The following GPD2 variants were observed in gnomAD, a reference collection of about 807,000 sequenced individuals.
GPD2 encodes the protein glycerol-3-phosphate dehydrogenase 2.
In GPD2, 54 loss-of-function variants were observed where a neutral mutation model predicts 82.4. The observed-to-expected ratio is 0.66, with a 90% CI of 0.53 to 0.82. The LOEUF (loss-of-function observed/expected upper bound fraction) is 0.82, where lower values mean the gene tolerates loss of function less well. GPD2 is among the 40% of genes least tolerant of loss of function. The pLI is 0.00. For missense variants in GPD2, 748 were observed against 896.2 expected (o/e 0.83, Z 2.11); for synonymous variants, 288 against 306.1 (o/e 0.94, Z 0.62).
At chr2:156,574,247 C>T (rs78679811) in intron 13 of GPD2, among the ~76,000 whole-genome samples, 2,407 of 151,808 alleles carry the variant, frequency 0.016, 25 homozygotes, top group Non-Finnish European at 0.026. Context: ...TTGTGTTCTG[C>T]AGGGTACAAA....
At chr2:156,537,351 C>A (rs141501781) in intron 6 of GPD2, among the ~76,000 whole-genome samples, 1 of 152,116 alleles carries the variant, frequency 6.6e-6, no homozygotes, top group Admixed American at 6.5e-5. Flanking sequence ...CTTTCTTTGA[C>A]AATAACCACT....
intron 2 of GPD2, among the ~76,000 whole-genome samples, chr2:156,482,851 G>T (rs1227288565): frequency 2.0e-5 from 3 of 152,124 alleles, no homozygotes; most frequent in African/African-American, 7.2e-5. Context: ...TAGGTGAGTT[G>T]AAATACAGGT....
At chr2:156,421,427 G>A in the GPD2 span, among the ~76,000 whole-genome samples, 1 of 152,204 alleles carries the variant, frequency 6.6e-6, no homozygotes, top group Non-Finnish European at 1.5e-5. Context: ...GAAAGAGGTT[G>A]AGTAGATATT....
intron 2 of GPD2, 121 bp from the exon 3 acceptor site, chr2:156,495,923 G>T: frequency 1.4e-6 from 1 of 733,316 alleles, no homozygotes; most frequent in African/African-American, 1.8e-5. Context: ...TATGTGGACT[G>T]TGGACTCTCT....
chr2:156,444,539 C>G (rs1682288240), intron 1 of GPD2, among the ~76,000 whole-genome samples: 1 of 151,990 alleles, frequency 6.6e-6, no homozygotes, highest in Non-Finnish European at 1.5e-5. Context: ...GTGGCAAAAC[C>G]CTGTCTCTAC....
chr2:156,522,646 T>C (rs1178806253), intron 6 of GPD2, among the ~76,000 whole-genome samples: 2 of 151,878 alleles, frequency 1.3e-5, no homozygotes, highest in Non-Finnish European at 2.9e-5. Context: ...CCACCACCAA[T>C]GTTTTACATT....
chr2:156,503,159 T>A (rs1684653778), intron 3 of GPD2, among the ~76,000 whole-genome samples: 1 of 152,070 alleles, frequency 6.6e-6, no homozygotes, highest in South Asian at 2.1e-4. Flanking sequence ...GCCCAGAGAG[T>A]GGTCAAGAGA....
intron 2 of GPD2, among the ~76,000 whole-genome samples, chr2:156,494,985 G>T (rs952358384): frequency 1.3e-5 from 2 of 152,140 alleles, no homozygotes; most frequent in African/African-American, 4.8e-5. Context: ...AAATATGGAA[G>T]GTCATTATTT....
intron 6 of GPD2, among the ~76,000 whole-genome samples, chr2:156,541,103 A>G (rs1381280018): frequency 6.6e-6 from 1 of 152,230 alleles, no homozygotes; most frequent in East Asian, 1.9e-4. Context: ...TCTTCCTCAC[A>G]ATAACTCTGT....
At chr2:156,403,379 C>T in the GPD2 span, among the ~76,000 whole-genome samples, 3 of 152,044 alleles carry the variant, frequency 2.0e-5, no homozygotes, top group Non-Finnish European at 2.9e-5. Flanking sequence ...AAAGATGATA[C>T]GGAAGATCTC....
chr2:156,516,881 T>C (rs1228388866), intron 6 of GPD2, among the ~76,000 whole-genome samples: 12 of 152,236 alleles, frequency 7.9e-5, no homozygotes, highest in Admixed American at 7.9e-4. Flanking sequence ...AACTAATAAA[T>C]GTTGCCATTA....
At chr2:156,471,072 T>G (rs1683311165) in intron 1 of GPD2, among the ~76,000 whole-genome samples, 1 of 152,212 alleles carries the variant, frequency 6.6e-6, no homozygotes, top group Non-Finnish European at 1.5e-5. Context: ...CTGCTTCTCT[T>G]TCTAGATCTT....
intron 1 of GPD2, among the ~76,000 whole-genome samples, chr2:156,462,120 G>C (rs548551731): frequency 1.1e-4 from 16 of 152,276 alleles, no homozygotes; most frequent in Non-Finnish European, 2.1e-4. Context: ...ATGCAGGAGA[G>C]CACAGAAAAA....
chr2:156,464,646 T>G (rs1683092003), intron 1 of GPD2, among the ~76,000 whole-genome samples: 1 of 152,124 alleles, frequency 6.6e-6, no homozygotes, highest in South Asian at 2.1e-4. Context: ...AGAGCTGTAT[T>G]CAAATTGAGA....
chr2:156,566,069 A>G (rs1190712600), intron 9 of GPD2, among the ~76,000 whole-genome samples: 2 of 152,054 alleles, frequency 1.3e-5, no homozygotes, highest in South Asian at 2.1e-4. Context: ...GGATTTATGG[A>G]TTTGAACTAA....
At chr2:156,508,201 G>C (rs937635192) in intron 3 of GPD2, among the ~76,000 whole-genome samples, 2 of 151,888 alleles carry the variant, frequency 1.3e-5, no homozygotes, top group African/African-American at 4.8e-5. Context: ...CTAATAACTC[G>C]CATGGTTGTT....
intron 3 of GPD2, among the ~76,000 whole-genome samples, chr2:156,506,852 AT>A (rs1190560708): frequency 1.3e-5 from 2 of 152,220 alleles, no homozygotes; most frequent in Non-Finnish European, 2.9e-5. Flanking sequence ...GCATAATAGT[AT>A]TTCTCAAAAC....
chr2:156,472,946 T>C (rs1426649753), intron 1 of GPD2, among the ~76,000 whole-genome samples: 1 of 152,192 alleles, frequency 6.6e-6, no homozygotes, highest in African/African-American at 2.4e-5. Context: ...AATTAGATGT[T>C]GTGAGGGTGA....
intron 3 of GPD2, among the ~76,000 whole-genome samples, chr2:156,498,046 A>G (rs72895890): frequency 1.8e-3 from 271 of 152,330 alleles, no homozygotes; most frequent in Non-Finnish European, 3.1e-3. Context: ...AGAATTTACT[A>G]GGTGATAATT....
Sources: gnomAD v4.1 joint callset for allele counts (sites outside exome capture counted in the v4.1 genomes callset) on GRCh38, gnomAD v4.1.1 for gene constraint, MANE v1.5 for transcripts, NCBI Gene and HGNC (gene_info 2026-07-23, HGNC 2026-07-21) for gene names.